The following INSL6 variants were observed in gnomAD, a reference collection of about 807,000 sequenced individuals.
INSL6 encodes the protein insulin like 6.
In INSL6, 16 loss-of-function variants were observed where a neutral mutation model predicts 9.4. That is an observed-to-expected ratio of 1.70 (90% CI 1.15 to 2.59). INSL6 has a LOEUF of 2.59. Ranked by LOEUF, INSL6 falls within the 30% of genes most tolerant of loss-of-function variation. The pLI, the probability that INSL6 is intolerant of heterozygous loss-of-function variation, is 0.00. For missense variants in INSL6, 391 were observed against 257.3 expected (o/e 1.52, Z -3.56); for synonymous variants, 154 against 96.9 (o/e 1.59, Z -3.46).
chr9:5,035,208 C>T, the INSL6 span, among the ~76,000 whole-genome samples: 67 of 152,256 alleles, frequency 4.4e-4, no homozygotes, highest in African/African-American at 1.5e-3. Flanking sequence ...CTGCATAGAC[C>T]AATAACAGGC....
the INSL6 span, among the ~76,000 whole-genome samples, chr9:5,106,242 TG>T: frequency 2.6e-5 from 4 of 152,170 alleles, no homozygotes; most frequent in Non-Finnish European, 5.9e-5. Flanking sequence ...GCAAAGGATA[TG>T]AACAGACACT....
chr9:5,116,558 TAAATAAAATTAGCTGGCAATCAAAA>T, the INSL6 span, among the ~76,000 whole-genome samples: 1 of 152,208 alleles, frequency 6.6e-6, no homozygotes, highest in African/African-American at 2.4e-5. Context: ...TTAAAGAGGT[TAAATAAAATTAGCTGGCAATCAAAA>T]AATATTAGTT....
In INSL6 at chr9:5,185,447, C is replaced by T. The variant is rs1737945609; in HGVS notation, c.156G>A (p.Gln52=). ...EKLCGHANWS[Q]FRFEEETPFS... is the part of the protein sequence containing the mutation. Reference sequence around the variant, plus strand: ...AAGGGGTTTCCTCCTCGAAACGGAACTGGCTCCAGTTGGCATGGCCGCAGA... The same window carrying T: ...AAGGGGTTTCCTCCTCGAAACGGAATTGGCTCCAGTTGGCATGGCCGCAGA... Residue 52 remains glutamine, a synonymous_variant, in exon 1 of 2, where the codon CAG becomes CAA. Coordinates refer to ENST00000381641, the MANE Select transcript of INSL6 (RefSeq NM_007179.3). 1 of 1,614,198 alleles carries T rather than the reference C, an allele frequency of 6.2e-7. No individual in the cohort carries two copies. The highest frequency in any genetic ancestry group is 8.5e-7 in the Non-Finnish European group (1 of 1,180,032).
chr9:5,095,439 G>A, the INSL6 span, among the ~76,000 whole-genome samples: 2 of 152,074 alleles, frequency 1.3e-5, no homozygotes, highest in African/African-American at 4.8e-5. Context: ...TAATTCTCAT[G>A]ATGGGTATCC....
chr9:5,044,314 T>C, the INSL6 span: 2 of 789,922 alleles, frequency 2.5e-6, no homozygotes, highest in Non-Finnish European at 4.3e-6. Context: ...GGATAATACC[T>C]TTCAGTATGC....
intron 3 of INSL6, among the ~76,000 whole-genome samples, chr9:5,131,772 A>G (rs1317868303): frequency 6.6e-6 from 1 of 152,172 alleles, no homozygotes; most frequent in African/African-American, 2.4e-5. Context: ...TAACCAAGGT[A>G]TATAAGCCGT....
At chr9:5,132,633 C>T (rs1049419327) in intron 3 of INSL6, among the ~76,000 whole-genome samples, 1 of 151,932 alleles carries the variant, frequency 6.6e-6, no homozygotes, top group Admixed American at 6.5e-5. Flanking sequence ...ACTGACAGTG[C>T]AAGCTACGTA....
the INSL6 span, among the ~76,000 whole-genome samples, chr9:4,996,252 C>T: frequency 6.6e-6 from 1 of 152,056 alleles, no homozygotes; most frequent in Non-Finnish European, 1.5e-5. Context: ...AGTTCACCAC[C>T]AGCCTGACTA....
At chr9:5,043,655 C>T in the INSL6 span, among the ~76,000 whole-genome samples, 6 of 152,164 alleles carry the variant, frequency 3.9e-5, no homozygotes, top group African/African-American at 7.2e-5. Context: ...ACTCTTCATA[C>T]TAGCGTTATT....
At chr9:5,120,379 TGAAA>T (rs1823524282), downstream of INSL6, among the ~76,000 whole-genome samples, 1 of 152,236 alleles carries the variant, frequency 6.6e-6, no homozygotes. Flanking sequence ...ATCTGAAGTC[TGAAA>T]GAACTCAATT....
chr9:5,112,705 G>C, the INSL6 span: 1 of 864,036 alleles, frequency 1.2e-6, no homozygotes. Context: ...AGCAGCAAGT[G>C]CGAGAGCGGA....
At chr9:5,175,936 A>T (rs1825294251) in intron 1 of INSL6, among the ~76,000 whole-genome samples, 1 of 152,214 alleles carries the variant, frequency 6.6e-6, no homozygotes, top group Non-Finnish European at 1.5e-5. Context: ...GTTCACAATA[A>T]ACGTAATGCG....
chr9:5,125,359 TG>T (rs1823909210), intron 3 of INSL6, among the ~76,000 whole-genome samples: 1 of 151,350 alleles, frequency 6.6e-6, no homozygotes, highest in South Asian at 2.1e-4. Flanking sequence ...ATTAGAAAAA[TG>T]TACTGCAAAT....
At chr9:5,114,192 A>G in the INSL6 span, 20 of 467,164 alleles carry the variant, frequency 4.3e-5, no homozygotes, top group Middle Eastern at 3.6e-4. Flanking sequence ...AGGGGTGAGC[A>G]CCTACCTGAG....
chr9:5,123,102 A>G (rs142094756), downstream of INSL6: 35 of 1,602,880 alleles, frequency 2.2e-5, no homozygotes, highest in African/African-American at 4.4e-4. Context: ...TACATTGAGA[A>G]GAGTAAAAGT....
At chr9:5,047,934 T>C in the INSL6 span, among the ~76,000 whole-genome samples, 3 of 152,128 alleles carry the variant, frequency 2.0e-5, no homozygotes, top group Admixed American at 2.0e-4. Flanking sequence ...TAAATGAAAT[T>C]TCTGAGGGTA....
the INSL6 span, among the ~76,000 whole-genome samples, chr9:5,030,588 G>A: frequency 2.6e-5 from 4 of 152,026 alleles, no homozygotes; most frequent in African/African-American, 9.7e-5. Flanking sequence ...ATTTATTCAT[G>A]GTCACACAGG....
downstream of INSL6, among the ~76,000 whole-genome samples, chr9:5,119,742 T>G (rs1203941882): frequency 2.0e-5 from 3 of 152,178 alleles, no homozygotes; most frequent in Non-Finnish European, 2.9e-5. Context: ...GCAACTTGTA[T>G]GAAAATCAGA....
At chr9:5,139,635 A>G (rs539447874) in intron 2 of INSL6, among the ~76,000 whole-genome samples, 3 of 152,286 alleles carry the variant, frequency 2.0e-5, no homozygotes, top group African/African-American at 7.2e-5. Flanking sequence ...CTGGAGTGGT[A>G]GAAGAGAATC....
Sources: gnomAD v4.1 joint callset for allele counts (sites outside exome capture counted in the v4.1 genomes callset) on GRCh38, gnomAD v4.1.1 for gene constraint, MANE v1.5 for transcripts, NCBI Gene and HGNC (gene_info 2026-07-23, HGNC 2026-07-21) for gene names.